MED13: variants seen among roughly 807,000 people sequenced by gnomAD.
The protein encoded by MED13 is mediator of RNA polymerase II transcription subunit 13.
Under a neutral mutation model 225.2 loss-of-function variants are expected in MED13, and 23 were observed. The ratio of observed to expected loss-of-function variants is 0.10; its 90% CI spans 0.07 to 0.14. The LOEUF (loss-of-function observed/expected upper bound fraction) is 0.14. Ranked by LOEUF, MED13 falls within the 10% of genes least tolerant of loss-of-function variation. The pLI is 1.00. For missense variants in MED13, 2,197 were observed against 2,594.5 expected (o/e 0.85, Z 3.33); for synonymous variants, 942 against 889.2 (o/e 1.06, Z -1.06).
rs1278258576 is a variant in MED13 at position 61,995,300 on chromosome 17, T to A, written c.2033A>T (p.Lys678Ile). 1 of 1,613,928 alleles carries A rather than the reference T, an allele frequency of 6.2e-7. No individual in the cohort carries two copies. Among genetic ancestry groups the A allele is most frequent in the Admixed American group, 1.7e-5 (1 of 60,018 alleles). The change falls in exon 10 of 30, where the codon AAA (lysine) becomes ATA (isoleucine). Residue 678 changes from lysine (K) to isoleucine (I), a missense_variant. By Grantham distance (102) the Lys-to-Ile change is moderately radical. Around this residue, in one of 12 missense-constraint regions of MED13, gnomAD observed 884 missense variants for 918.5 expected, o/e 0.96. Transcript: ENST00000397786. ...SDELVQQYQI[K>I]NQCLSAIASD... Reference sequence around the variant, plus strand: ...TGCTATTGCTGAAAGACACTGGTTTTTAATTTGATATTGCTGCACTAATTC... The same window carrying A: ...TGCTATTGCTGAAAGACACTGGTTTATAATTTGATATTGCTGCACTAATTC...
At chr17:61,977,372 T>TA (rs1397914529) in intron 16 of MED13, among the ~76,000 whole-genome samples, 2 of 152,256 alleles carry the variant, frequency 1.3e-5, no homozygotes, top group Non-Finnish European at 2.9e-5. Flanking sequence ...CCAAGGGCTC[T>TA]AATGCAGGAG....
chr17:61,970,742 T>TC (rs1555632766), intron 17 of MED13, among the ~76,000 whole-genome samples: 4 of 149,414 alleles, frequency 2.7e-5, no homozygotes, highest in Non-Finnish European at 5.9e-5. Flanking sequence ...TTTTTTTTTT[T>TC]CTTGAAATAC....
intron 3 of MED13, among the ~76,000 whole-genome samples, chr17:62,044,264 A>G (rs987331459): frequency 1.3e-5 from 2 of 152,246 alleles, no homozygotes; most frequent in East Asian, 3.9e-4. Flanking sequence ...TTCTTTATTG[A>G]AGCACCAAAA....
intron 8 of MED13, among the ~76,000 whole-genome samples, chr17:62,018,733 T>G (rs1224268438): frequency 2.0e-5 from 3 of 146,606 alleles, no homozygotes; most frequent in Admixed American, 2.0e-4. Flanking sequence ...AAAAAAAAAG[T>G]ATACTGAAGG....
chr17:62,017,825 T>C (rs1045106659), intron 8 of MED13, among the ~76,000 whole-genome samples: 5 of 152,214 alleles, frequency 3.3e-5, no homozygotes, highest in South Asian at 4.1e-4. Context: ...TATAAAGAAA[T>C]AGGTAGTGCA....
intron 16 of MED13, among the ~76,000 whole-genome samples, chr17:61,978,048 T>C (rs551270263): frequency 6.6e-6 from 1 of 152,326 alleles, no homozygotes; most frequent in African/African-American, 2.4e-5. Context: ...GGCAAATAAG[T>C]TGGTTCTTAA....
chr17:62,014,301 T>C (rs2143604334), intron 8 of MED13, among the ~76,000 whole-genome samples: 1 of 133,970 alleles, frequency 7.5e-6, no homozygotes, highest in African/African-American at 3.0e-5. Flanking sequence ...GGAAGTTCTG[T>C]ATATGTTTTT....
At chr17:62,049,913 G>C (rs375222605) in intron 3 of MED13, among the ~76,000 whole-genome samples, 59 of 122,750 alleles carry the variant, frequency 4.8e-4, no homozygotes, top group African/African-American at 2.2e-3. Context: ...CTGGGTGACA[G>C]AGTGAGGCTC....
At position 62,031,466 on chromosome 17, in the gene MED13, C is replaced by A. The variant is rs751605404; in HGVS notation, c.987G>T (p.Thr329=). The A allele has an allele frequency of 1.2e-6, 2 of 1,609,168 alleles. No homozygotes were observed. Among genetic ancestry groups the A allele is most frequent in the South Asian group, 2.2e-5 (2 of 90,294 alleles). Residue 329 remains threonine, a synonymous_variant, in exon 6 of 30, where the codon ACG becomes ACT. Coordinates refer to ENST00000397786, the MANE Select transcript of MED13 (RefSeq NM_005121.3). The stretch of plus-strand genomic sequence containing the variant: ...TACCTGTTTGGACTTCCTCAGGAGA[C>A]GTAGGTGGTGTAAGCGTAACCGAAG... ...AMSSVTLTPP[T]SPEEVQTVDP... is the part of the protein sequence containing the mutation.
chr17:61,996,571 C>T (rs1401144289), intron 9 of MED13, among the ~76,000 whole-genome samples: 1 of 152,102 alleles, frequency 6.6e-6, no homozygotes, highest in Non-Finnish European at 1.5e-5. Flanking sequence ...CCATTCCTGG[C>T]TATTTCTTTT....
chr17:61,981,867 G>C (rs905454080), intron 16 of MED13, among the ~76,000 whole-genome samples: 3 of 152,134 alleles, frequency 2.0e-5, no homozygotes, highest in Admixed American at 6.6e-5. Context: ...CTAATACCTG[G>C]CACATACAAG....
intron 3 of MED13, chr17:62,036,827 G>T (rs572189838): frequency 4.6e-5 from 7 of 152,322 alleles, no homozygotes; most frequent in Non-Finnish European, 7.3e-5. Context: ...AAATGTAACT[G>T]ACAGAGGCTA....
intron 8 of MED13, among the ~76,000 whole-genome samples, chr17:62,025,899 C>T (rs1038158186): frequency 4.6e-5 from 7 of 152,090 alleles, no homozygotes; most frequent in African/African-American, 1.2e-4. Flanking sequence ...TTAAAAATTA[C>T]GTATTCTTTA....
chr17:62,024,211 T>G (rs113113264), intron 8 of MED13, among the ~76,000 whole-genome samples: 11,150 of 152,152 alleles, frequency 0.073, 609 homozygotes, highest in South Asian at 0.31. Context: ...AGAGATGGTA[T>G]TTCACCATGT....
chr17:61,942,992 G>A lies in MED13; in HGVS notation c.*3476C>T, dbSNP rs1002948850. The A allele has an allele frequency of 6.6e-6, 1 of 152,404 alleles. No individual in the cohort carries two copies. Among genetic ancestry groups the A allele is most frequent in the Non-Finnish European group, 1.5e-5 (1 of 67,954 alleles). 9.4% of individuals were successfully genotyped at this position (152,404 alleles called of 1,614,324 possible). ...TAAAACTTCATGAATACATCAACCTGAGGAGTATTTTAGGTCCCAAATCCA... is the reference window on the plus strand; with the variant it reads ...TAAAACTTCATGAATACATCAACCTAAGGAGTATTTTAGGTCCCAAATCCA... On this transcript the variant is annotated 3_prime_UTR_variant, in exon 30 of 30. Coordinates refer to ENST00000397786, the MANE Select transcript of MED13 (RefSeq NM_005121.3).
chr17:61,974,838 TAGG>T (rs2080140036), intron 16 of MED13, among the ~76,000 whole-genome samples: 1 of 152,056 alleles, frequency 6.6e-6, no homozygotes, highest in African/African-American at 2.4e-5. Context: ...AAAAAAGTAA[TAGG>T]AGTAAATTTT....
At chr17:62,019,667 T>TA (rs1457023588) in intron 8 of MED13, among the ~76,000 whole-genome samples, 9 of 152,194 alleles carry the variant, frequency 5.9e-5, no homozygotes, top group Non-Finnish European at 1.2e-4. Context: ...TTGACAACAT[T>TA]AAATCAGCCC....
At chr17:62,039,279 G>A (rs2080832391) in intron 3 of MED13, among the ~76,000 whole-genome samples, 1 of 152,102 alleles carries the variant, frequency 6.6e-6, no homozygotes, top group African/African-American at 2.4e-5. Context: ...ATACTGGAGG[G>A]AAACAATATT....
intron 3 of MED13, among the ~76,000 whole-genome samples, chr17:62,036,162 A>T (rs1403513477): frequency 3.3e-5 from 5 of 151,832 alleles, no homozygotes; most frequent in African/African-American, 1.2e-4. Context: ...CAGAATTAAC[A>T]GTGACTTAAT....
Sources: allele counts gnomAD v4.1 joint callset (sites outside exome capture counted in the v4.1 genomes callset), GRCh38; gene constraint gnomAD v4.1.1; regional missense constraint gnomAD v4.1.1; transcripts MANE v1.5; gene names NCBI Gene and HGNC (gene_info 2026-07-23, HGNC 2026-07-21).